The following ZNF670 variants were observed in gnomAD, a reference collection of about 807,000 sequenced individuals.
The protein encoded by ZNF670 is zinc finger protein 670.
In ZNF670, 7 loss-of-function variants were observed where a neutral mutation model predicts 10.9. The observed-to-expected ratio is 0.64, with a 90% CI of 0.36 to 1.20. The LOEUF (loss-of-function observed/expected upper bound fraction) is 1.20, where lower values mean the gene tolerates loss of function less well. Among genes scored for constraint, ZNF670 ranks in the 50% most tolerant of loss-of-function variants. The pLI is 0.02. For missense variants in ZNF670, 446 were observed against 458.6 expected (o/e 0.97, Z 0.25); for synonymous variants, 136 against 152.7 (o/e 0.89, Z 0.81).
chr1:247,048,731 G>A (rs547163625), intron 1 of ZNF670, among the ~76,000 whole-genome samples: 7 of 152,324 alleles, frequency 4.6e-5, no homozygotes, highest in South Asian at 2.1e-4. Flanking sequence ...GGCAGGAGGC[G>A]AAGGGGAAGC....
At chr1:247,049,775 A>T (rs1670548674) in intron 1 of ZNF670, among the ~76,000 whole-genome samples, 1 of 152,194 alleles carries the variant, frequency 6.6e-6, no homozygotes, top group African/African-American at 2.4e-5. Flanking sequence ...TTCATTGTTG[A>T]CCCAACAGTC....
At chr1:247,067,302 G>A (rs1671004344) in intron 1 of ZNF670, among the ~76,000 whole-genome samples, 1 of 151,874 alleles carries the variant, frequency 6.6e-6, no homozygotes, top group Non-Finnish European at 1.5e-5. Flanking sequence ...CGGGCATGGT[G>A]GCGGGTGCCT....
intron 1 of ZNF670, 77 bp from the exon 2 acceptor site, chr1:247,039,614 T>G: frequency 2.9e-6 from 4 of 1,382,486 alleles, no homozygotes; most frequent in Non-Finnish European, 3.8e-6. Context: ...TCTCATAAAA[T>G]CGTAACATAA....
intron 1 of ZNF670, among the ~76,000 whole-genome samples, chr1:247,055,646 A>AT (rs1219031895): frequency 2.0e-5 from 3 of 152,204 alleles, no homozygotes; most frequent in Admixed American, 1.3e-4. Flanking sequence ...GACTGTAACA[A>AT]TACCACCAGG....
chr1:247,041,366 A>C (rs1670303971), intron 1 of ZNF670, among the ~76,000 whole-genome samples: 1 of 152,236 alleles, frequency 6.6e-6, no homozygotes, highest in African/African-American at 2.4e-5. Context: ...GTAAAAATGA[A>C]CACGATTTAA....
chr1:247,065,242 C>T (rs1408170802), intron 1 of ZNF670, among the ~76,000 whole-genome samples: 1 of 152,210 alleles, frequency 6.6e-6, no homozygotes, highest in Non-Finnish European at 1.5e-5. Flanking sequence ...CAAACATTTG[C>T]TATAGCTCAG....
chr1:247,058,756 A>C (rs1670782901), intron 1 of ZNF670, among the ~76,000 whole-genome samples: 1 of 151,744 alleles, frequency 6.6e-6, no homozygotes, highest in Non-Finnish European at 1.5e-5. Context: ...CAACTCCATG[A>C]CCACTAGATT....
At chr1:247,041,359 A>G (rs1337053406) in intron 1 of ZNF670, among the ~76,000 whole-genome samples, 1 of 152,252 alleles carries the variant, frequency 6.6e-6, no homozygotes, top group African/African-American at 2.4e-5. Flanking sequence ...ATGAAGTGTA[A>G]AAATGAACAC....
chr1:247,071,630 A>G (rs1327357703), intron 1 of ZNF670, among the ~76,000 whole-genome samples: 1 of 152,250 alleles, frequency 6.6e-6, no homozygotes, highest in African/African-American at 2.4e-5. Context: ...TAAAAGTTGA[A>G]TAAGAAAAAA....
rs1398400194 is a variant in ZNF670 at position 247,074,032 on chromosome 1, T to C, written c.3+4562A>G. On this transcript the variant is annotated intron_variant, in intron 1 of 3. Coordinates refer to ENST00000366503, the MANE Select transcript of ZNF670 (RefSeq NM_033213.5). ...TGAGTAGGTAATCCTGTTAAATATA[T>C]GCAAGTTAAAAAACAAACAACAAAA... is the stretch of plus-strand genomic sequence containing the variant. Among the ~76,000 whole-genome samples, 4 of 152,160 alleles carry C rather than the reference T, an allele frequency of 2.6e-5. No homozygotes were observed. In the East Asian group the frequency reaches 5.8e-4, roughly 22 times the overall value.
chr1:247,077,496 C>T (rs1490447464), intron 1 of ZNF670, among the ~76,000 whole-genome samples: 1 of 152,028 alleles, frequency 6.6e-6, no homozygotes, highest in Non-Finnish European at 1.5e-5. Flanking sequence ...AGGAGATGCA[C>T]AAAGACTTTT....
chr1:247,059,243 C>T (rs1024473194), intron 1 of ZNF670, among the ~76,000 whole-genome samples: 15 of 151,906 alleles, frequency 9.9e-5, no homozygotes, highest in African/African-American at 3.4e-4. Context: ...AGATCGAGAC[C>T]ATCCTGGCTA....
At chr1:247,056,179 C>T (rs1017944519) in intron 1 of ZNF670, among the ~76,000 whole-genome samples, 1 of 151,454 alleles carries the variant, frequency 6.6e-6, no homozygotes. Flanking sequence ...ACCAAATGGC[C>T]CTAATAGATA....
intron 1 of ZNF670, among the ~76,000 whole-genome samples, chr1:247,070,019 G>T (rs1395282773): frequency 6.6e-6 from 1 of 152,004 alleles, no homozygotes; most frequent in African/African-American, 2.4e-5. Flanking sequence ...AATACAAAGG[G>T]TAAATGCTTG....
rs1670146690 is a variant in ZNF670, at chr1:247,036,236, T to C, written c.*1213A>G. 6.6e-6 allele frequency among the ~76,000 whole-genome samples: 1 copy of C among 152,162 alleles called. No homozygotes were observed. The highest frequency in any genetic ancestry group is 6.5e-5 in the Admixed American group (1 of 15,278). ...CAATAAATAAAAAACACAAGAAAAC[T>C]TCCTGAGCCTGTTTGAGAATATTTA... On this transcript the variant is annotated 3_prime_UTR_variant, in exon 4 of 4. Transcript: ENST00000366503.
Position 247,078,759 on chromosome 1 carries a change from A to AG in ZNF670, c.-164dup, listed in dbSNP as rs1341417956. 16 of 711,464 alleles carry AG rather than the reference A, an allele frequency of 2.2e-5. No homozygotes were observed. In the East Asian group the frequency reaches 4.0e-4, roughly 18 times the overall value. 44.1% of individuals were successfully genotyped at this position (711,464 alleles called of 1,614,324 possible). On this transcript the variant is annotated 5_prime_UTR_variant, in exon 1 of 4. Coordinates refer to ENST00000366503, the MANE Select transcript of ZNF670 (RefSeq NM_033213.5). ...CCACATTCGCGCTGCCCAACACAAA[A>AG]GCCGCGCCAGGTCCCGGAAGCTGCT...
chr1:247,041,862 C>T (rs564851221), intron 1 of ZNF670, among the ~76,000 whole-genome samples: 7 of 152,126 alleles, frequency 4.6e-5, no homozygotes, highest in Non-Finnish European at 1.0e-4. Flanking sequence ...TCCATTCATA[C>T]TCATTTTAGA....
At chr1:247,067,569 G>A (rs1479653266) in intron 1 of ZNF670, among the ~76,000 whole-genome samples, 4 of 151,030 alleles carry the variant, frequency 2.6e-5, no homozygotes, top group East Asian at 4.0e-4. Context: ...CAGGCCGGGC[G>A]CGGTGGCTCA....
rs1436147504 is a variant in ZNF670, at chr1:247,035,215, G to C, written c.*2234C>G. 6.6e-6 allele frequency among the ~76,000 whole-genome samples: 1 copy of C among 152,206 alleles called. No individual in the cohort carries two copies. Among genetic ancestry groups the C allele is most frequent in the Non-Finnish European group, 1.5e-5 (1 of 68,024 alleles). On this transcript the variant is annotated 3_prime_UTR_variant, in exon 4 of 4. Transcript: ENST00000366503. ...CAATTGTTTTCACAGTCTCATGGGT[G>C]ACAGGAAAAATTAGGACCCTAAGAC...
Sources: allele counts gnomAD v4.1 joint callset (sites outside exome capture counted in the v4.1 genomes callset), GRCh38; gene constraint gnomAD v4.1.1; transcripts MANE v1.5; gene names NCBI Gene and HGNC (gene_info 2026-07-23, HGNC 2026-07-21).